The following COG6 variants were observed in gnomAD, a reference collection of about 807,000 sequenced individuals.
The protein encoded by COG6 is conserved oligomeric Golgi complex subunit 6.
COG6 carries 74 observed loss-of-function variants against 88.8 expected under a neutral mutation model. The observed-to-expected ratio is 0.83, with a 90% CI of 0.69 to 1.01. The LOEUF (loss-of-function observed/expected upper bound fraction) is 1.01. COG6 is among the 50% of genes least tolerant of loss of function. The pLI is 0.00. For synonymous variants in COG6, 286 were observed against 278.7 expected (o/e 1.03, Z -0.26); for missense variants, 800 against 797.9 (o/e 1.00, Z -0.03).
intron 15 of COG6, 37 bp downstream of exon 15, chr13:39,719,864 G>C: frequency 2.0e-6 from 3 of 1,520,508 alleles, no homozygotes; most frequent in East Asian, 2.3e-5. Context: ...GACTATGATT[G>C]AATCTTTTTC....
intron 4 of COG6, 126 bp downstream of exon 4, chr13:39,665,280 T>G: frequency 1.5e-6 from 1 of 645,258 alleles, no homozygotes; most frequent in Non-Finnish European, 2.8e-6. Flanking sequence ...GGTCCTAAAC[T>G]ATTATATTAC....
chr13:39,746,198 G>A (rs1880341018), intron 18 of COG6, among the ~76,000 whole-genome samples: 2 of 151,308 alleles, frequency 1.3e-5, no homozygotes, highest in East Asian at 1.9e-4. Context: ...GAACTGGCAT[G>A]TTGTGCACAT....
At chr13:39,682,144 A>G in intron 7 of COG6, 27 bp from the exon 8 acceptor site, 3 of 1,502,028 alleles carry the variant, frequency 2.0e-6, no homozygotes, top group Non-Finnish European at 2.8e-6. Context: ...GAATTTAACA[A>G]AAGTTATAAT....
At chr13:39,747,743 C>T (rs1169422205) in intron 18 of COG6, among the ~76,000 whole-genome samples, 3 of 152,118 alleles carry the variant, frequency 2.0e-5, no homozygotes, top group African/African-American at 7.2e-5. Flanking sequence ...TAGTTACAGA[C>T]ATTCGTGAGC....
Position 39,687,661 on chromosome 13 carries a change from T to G in COG6, c.917+30T>G, listed in dbSNP as rs750923624. On this transcript the variant is annotated intron_variant, in intron 9 of 18. Coordinates refer to ENST00000455146, the MANE Select transcript of COG6 (RefSeq NM_020751.3). ...AGTAATCAGACAGCAGAAGAGGAGT[T>G]GATGTTTTTCCAAAGGAAATCTTCA... The G allele has an allele frequency of 2.5e-6, 4 of 1,613,890 alleles. No homozygotes were observed. The South Asian group carries it at 4.4e-5, about 18-fold the overall frequency.
At chr13:39,735,882 A>C (rs561206200) in intron 18 of COG6, among the ~76,000 whole-genome samples, 1 of 152,044 alleles carries the variant, frequency 6.6e-6, no homozygotes, top group African/African-American at 2.4e-5. Context: ...CTGCTGCCAG[A>C]ATTATTGGAG....
chr13:39,751,973 A>C lies in COG6; in HGVS notation c.*880A>C. 2 of 1,220,174 alleles carry C rather than the reference A, an allele frequency of 1.6e-6. No individual in the cohort carries two copies. The highest frequency in any genetic ancestry group is 2.2e-6 in the Non-Finnish European group (2 of 928,152). 75.6% of individuals were successfully genotyped at this position (1,220,174 alleles called of 1,614,324 possible). On this transcript the variant is annotated 3_prime_UTR_variant, in exon 19 of 19. Coordinates refer to ENST00000455146, the MANE Select transcript of COG6 (RefSeq NM_020751.3). ...GTTCAAACCAAAGAAACAATGATCT[A>C]CTCAAACATTGGAGAAAAAAACTGC...
At chr13:39,760,591 T>C (rs1001835043) in intron 18 of COG6, among the ~76,000 whole-genome samples, 2 of 152,092 alleles carry the variant, frequency 1.3e-5, no homozygotes, top group Admixed American at 1.3e-4. Flanking sequence ...ATATAATGAA[T>C]CATACAATAA....
At chr13:39,701,025 A>ATATATATATATCACT (rs1877548049) in intron 13 of COG6, among the ~76,000 whole-genome samples, 2 of 151,908 alleles carry the variant, frequency 1.3e-5, no homozygotes, top group Non-Finnish European at 2.9e-5. Flanking sequence ...TTGTAAAGTG[A>ATATATATATATCACT]TGTGTTTTAT....
chr13:39,665,025 G>A lies in COG6; in HGVS notation c.370-71G>A, dbSNP rs1260885376. On this transcript the variant is annotated intron_variant, in intron 3 of 18. Transcript: ENST00000455146. ...TTGTTTTAAGTCTAAATTGCAGTAAGTGGTAGTATTTGTTTTCTGAAATAT... is the reference window on the plus strand; with the variant it reads ...TTGTTTTAAGTCTAAATTGCAGTAAATGGTAGTATTTGTTTTCTGAAATAT... 5 of 767,874 alleles carry A rather than the reference G, an allele frequency of 6.5e-6. No individual in the cohort carries two copies. In the East Asian group the frequency reaches 1.1e-4, roughly 16 times the overall value. The allele number at this position is 767,874 out of a possible 1,614,324, so 47.6% of individuals were successfully genotyped here.
intron 18 of COG6, among the ~76,000 whole-genome samples, chr13:39,736,152 G>A (rs1230775950): frequency 6.6e-6 from 1 of 151,772 alleles, no homozygotes; most frequent in Admixed American, 6.6e-5. Context: ...GCTCCTTGGA[G>A]GCTATTTTCT....
chr13:39,762,286 T>A (rs1229067959), intron 18 of COG6, among the ~76,000 whole-genome samples: 2 of 151,906 alleles, frequency 1.3e-5, no homozygotes, highest in African/African-American at 4.8e-5. Flanking sequence ...TACTGCATGT[T>A]CTCACTCAGG....
intron 18 of COG6, among the ~76,000 whole-genome samples, chr13:39,773,485 C>T (rs865922847): frequency 2.0e-5 from 3 of 152,182 alleles, no homozygotes; most frequent in South Asian, 2.1e-4. Context: ...TATGTTTTAC[C>T]TCTGCTTCAA....
At chr13:39,667,103 C>T (rs951382637) in intron 4 of COG6, among the ~76,000 whole-genome samples, 1 of 151,922 alleles carries the variant, frequency 6.6e-6, no homozygotes, top group African/African-American at 2.4e-5. Context: ...ATTAGGATTC[C>T]ATGTAAGATT....
At chr13:39,734,398 T>C (rs1879622855) in intron 18 of COG6, among the ~76,000 whole-genome samples, 1 of 152,174 alleles carries the variant, frequency 6.6e-6, no homozygotes, top group Non-Finnish European at 1.5e-5. Context: ...TCCATGTGTT[T>C]GTATACTTTC....
At chr13:39,718,251 A>G (rs1207766825) in intron 13 of COG6, among the ~76,000 whole-genome samples, 1 of 152,038 alleles carries the variant, frequency 6.6e-6, no homozygotes, top group African/African-American at 2.4e-5. Flanking sequence ...ATTCCTGGTG[A>G]TGTCACTTAT....
intron 1 of COG6, chr13:39,656,688 C>T (rs1010544745): frequency 8.4e-6 from 3 of 356,648 alleles, no homozygotes; most frequent in South Asian, 4.5e-5. Context: ...AATTTGATTC[C>T]GATATGTAAA....
At chr13:39,707,111 G>C (rs1459545207) in intron 13 of COG6, among the ~76,000 whole-genome samples, 1 of 151,268 alleles carries the variant, frequency 6.6e-6, no homozygotes, top group African/African-American at 2.4e-5. Flanking sequence ...ATATAAAGAA[G>C]AAGAAGAACA....
At chr13:39,776,766 A>G (rs1242159463) in intron 18 of COG6, among the ~76,000 whole-genome samples, 1 of 152,204 alleles carries the variant, frequency 6.6e-6, no homozygotes, top group Non-Finnish European at 1.5e-5. Flanking sequence ...CTTCTGTCGA[A>G]GCTGCTTTTG....
Sources: allele counts gnomAD v4.1 joint callset (sites outside exome capture counted in the v4.1 genomes callset), GRCh38; gene constraint gnomAD v4.1.1; transcripts MANE v1.5; gene names NCBI Gene and HGNC (gene_info 2026-07-23, HGNC 2026-07-21).